The following PTPRE variants were observed in gnomAD, a reference collection of about 807,000 sequenced individuals.
PTPRE encodes the protein protein tyrosine phosphatase receptor type E.
A neutral mutation model predicts 102.0 loss-of-function variants in PTPRE; 51 were observed. The observed-to-expected ratio is 0.50, with a 90% CI of 0.40 to 0.63. PTPRE has a LOEUF of 0.63. Among genes scored for constraint, PTPRE ranks in the 30% least tolerant of loss-of-function variants. PTPRE has a pLI of 0.00. For synonymous variants in PTPRE, 345 were observed against 348.2 expected (o/e 0.99, Z 0.10); for missense variants, 752 against 915.1 (o/e 0.82, Z 2.30).
intron 1 of PTPRE, among the ~76,000 whole-genome samples, chr10:127,959,434 C>T (rs930609034): frequency 2.6e-5 from 4 of 151,830 alleles, no homozygotes; most frequent in African/African-American, 9.7e-5. Flanking sequence ...CTTATGCCTT[C>T]CTGGGCATTT....
chr10:127,959,407 T>C (rs1259486996), intron 1 of PTPRE, among the ~76,000 whole-genome samples: 1 of 152,256 alleles, frequency 6.6e-6, no homozygotes, highest in East Asian at 1.9e-4. Flanking sequence ...TGCCTCAAGA[T>C]GATAGCATAT....
chr10:127,930,382 C>T (rs1463378694), intron 1 of PTPRE, among the ~76,000 whole-genome samples: 1 of 152,156 alleles, frequency 6.6e-6, no homozygotes, highest in Non-Finnish European at 1.5e-5. Flanking sequence ...TATTTATAGC[C>T]TTTTGAGTCT....
intron 1 of PTPRE, among the ~76,000 whole-genome samples, chr10:127,913,712 A>G (rs1846020331): frequency 6.6e-6 from 1 of 152,148 alleles, no homozygotes; most frequent in Non-Finnish European, 1.5e-5. Flanking sequence ...GACGAAATGG[A>G]AGCTCCTGTC....
Position 128,079,635 on chromosome 10 carries a change from A to G in PTPRE, c.1968A>G (p.Leu656=), listed in dbSNP as rs1353704154. The change falls in exon 20 of 21, where the codon TTA becomes TTG. Residue 656 remains leucine, a synonymous_variant. Transcript: ENST00000254667. ...AGCGAGTAAAAGCCGAGGGACTTTT[A>G]GATGTATTTCAAGCTGTGAAGAGTT... ...ILERVKAEGL[L]DVFQAVKSLR... 3.1e-6 allele frequency: 5 copies of G among 1,614,026 alleles called. No homozygotes were observed. The highest frequency in any genetic ancestry group is 1.7e-5 in the Admixed American group (1 of 60,002).
At chr10:128,043,399 G>T (rs1207878658) in intron 3 of PTPRE, among the ~76,000 whole-genome samples, 1 of 152,174 alleles carries the variant, frequency 6.6e-6, no homozygotes, top group Non-Finnish European at 1.5e-5. Context: ...TAGGGCTCAC[G>T]GTCCTGTAAG....
At chr10:128,064,583 C>T (rs1849898186) in intron 10 of PTPRE, among the ~76,000 whole-genome samples, 1 of 152,200 alleles carries the variant, frequency 6.6e-6, no homozygotes, top group Non-Finnish European at 1.5e-5. Context: ...GGTTGGTGCT[C>T]CAAGCATGAG....
intron 2 of PTPRE, among the ~76,000 whole-genome samples, chr10:127,986,097 TA>T (rs1012643246): frequency 7.3e-5 from 11 of 151,612 alleles, no homozygotes; most frequent in Admixed American, 5.3e-4. Flanking sequence ...TCTCAAAAAT[TA>T]AAAAAAAATT....
chr10:127,998,819 T>C (rs976820833), intron 2 of PTPRE: 3 of 151,866 alleles, frequency 2.0e-5, no homozygotes, highest in African/African-American at 4.8e-5. Flanking sequence ...GGTCAACCCA[T>C]ACAATGTGAA....
chr10:128,072,894 C>T (rs1480593131), intron 16 of PTPRE, among the ~76,000 whole-genome samples: 3 of 152,192 alleles, frequency 2.0e-5, no homozygotes, highest in African/African-American at 4.8e-5. Context: ...CAGAGGCTGT[C>T]TTCATGCACA....
intron 17 of PTPRE, among the ~76,000 whole-genome samples, chr10:128,074,526 C>T (rs1455945021): frequency 2.0e-5 from 3 of 152,176 alleles, no homozygotes; most frequent in African/African-American, 7.2e-5. Flanking sequence ...ATTAGCTGGG[C>T]ATGGTGGCGG....
chr10:128,053,485 C>G (rs1457957368), intron 6 of PTPRE, among the ~76,000 whole-genome samples: 1 of 152,198 alleles, frequency 6.6e-6, no homozygotes, highest in East Asian at 1.9e-4. Context: ...ATTTGAGACC[C>G]CAGTAGACTG....
chr10:128,048,095 C>T (rs1006864503), intron 5 of PTPRE, among the ~76,000 whole-genome samples: 1 of 152,168 alleles, frequency 6.6e-6, no homozygotes, highest in Non-Finnish European at 1.5e-5. Context: ...TGTTCATATC[C>T]TGTCGTTTTC....
intron 1 of PTPRE, among the ~76,000 whole-genome samples, chr10:127,936,772 C>G (rs979456073): frequency 6.6e-6 from 1 of 152,158 alleles, no homozygotes; most frequent in Admixed American, 6.5e-5. Flanking sequence ...ACCCGGGGCT[C>G]GTGGATGTTG....
rs1277876805 is a variant in PTPRE at position 128,028,359 on chromosome 10, T to C, written c.-7-12516T>C. Reference sequence around the variant, plus strand: ...GTCACACACAGCCACACTCGGGGATTAGGACCTGAAGGATATCATTGAGCC... The same window carrying C: ...GTCACACACAGCCACACTCGGGGATCAGGACCTGAAGGATATCATTGAGCC... On this transcript the variant is annotated intron_variant, in intron 2 of 20. Coordinates refer to ENST00000254667, the MANE Select transcript of PTPRE (RefSeq NM_006504.6). The surrounding 1 kb of genome is among the most constrained non-coding windows in gnomAD (Gnocchi z 4.5). Among the ~76,000 whole-genome samples the C allele has an allele frequency of 1.3e-5, 2 of 152,138 alleles. No individual in the cohort carries two copies. The highest frequency in any genetic ancestry group is 3.9e-4 in the East Asian group (2 of 5,156).
intron 1 of PTPRE, among the ~76,000 whole-genome samples, chr10:127,924,177 GC>G (rs554666439): frequency 2.0e-3 from 301 of 152,304 alleles, no homozygotes; most frequent in Non-Finnish European, 3.1e-3. Context: ...AGGGTGACAG[GC>G]ATGACTGTTT....
At chr10:128,048,749 C>T (rs892079186) in intron 5 of PTPRE, among the ~76,000 whole-genome samples, 3 of 152,182 alleles carry the variant, frequency 2.0e-5, no homozygotes, top group African/African-American at 7.2e-5. Flanking sequence ...CAGCATCACT[C>T]ATTCTGATCC....
rs1247248250 is a variant in PTPRE at position 127,917,157 on chromosome 10, G to T, written c.-31+9848G>T. Among the ~76,000 whole-genome samples, 4 of 151,814 alleles carry T rather than the reference G, an allele frequency of 2.6e-5. No homozygotes were observed. The East Asian group carries it at 7.7e-4, about 29-fold the overall frequency. On this transcript the variant is annotated intron_variant, in intron 1 of 20. Transcript: ENST00000254667. ...CAAGGCCCCGCAGTTTTCGGCCAGG[G>T]TGACTGGATGCATCCGGACCAGACA...
intron 2 of PTPRE, among the ~76,000 whole-genome samples, chr10:128,033,295 A>T (rs1047992685): frequency 3.9e-5 from 6 of 152,258 alleles, no homozygotes; most frequent in Non-Finnish European, 7.3e-5. Flanking sequence ...GATAGCTGTT[A>T]GTGCTCCCAA....
intron 2 of PTPRE, among the ~76,000 whole-genome samples, chr10:128,002,592 G>T (rs1035278993): frequency 6.6e-6 from 1 of 151,562 alleles, no homozygotes; most frequent in African/African-American, 2.4e-5. Context: ...GGCACATGGC[G>T]CAGGCTCAGG....
Sources: gnomAD v4.1 joint callset for allele counts (sites outside exome capture counted in the v4.1 genomes callset) on GRCh38, gnomAD v4.1.1 for gene constraint, Gnocchi (gnomAD v3.1) non-coding constraint, MANE v1.5 for transcripts, NCBI Gene and HGNC (gene_info 2026-07-23, HGNC 2026-07-21) for gene names.